The following RAE1 variants were observed in gnomAD, a reference collection of about 807,000 sequenced individuals.
RAE1 encodes the protein ribonucleic acid export 1.
RAE1 carries 13 observed loss-of-function variants against 52.7 expected under a neutral mutation model. The ratio of observed to expected loss-of-function variants is 0.25; its 90% CI spans 0.16 to 0.39. The LOEUF (loss-of-function observed/expected upper bound fraction) is 0.39, where lower values mean the gene tolerates loss of function less well. Ranked by LOEUF, RAE1 falls within the 10% of genes least tolerant of loss-of-function variation. The pLI is 1.00. For missense variants in RAE1, 262 were observed against 459.8 expected, an observed-to-expected ratio of 0.57 and a Z score of 3.93; for synonymous variants, 164 against 153.1, an observed-to-expected ratio of 1.07 and a Z score of -0.52.
chr20:57,378,171 C>T lies in RAE1; in HGVS notation c.*72C>T, dbSNP rs2067143193. On this transcript the variant is annotated 3_prime_UTR_variant, in exon 12 of 12. Coordinates refer to ENST00000395841, the MANE Select transcript of RAE1 (RefSeq NM_003610.4). ...CTCATCTCTGTACGAATTTGGGTCC[C>T]AGCCTTGTTGGGTTGTCAGCCATGG... 1.6e-6 allele frequency: 2 copies of T among 1,274,280 alleles called. No homozygotes were observed. The highest frequency in any genetic ancestry group is 1.5e-5 in the African/African-American group (1 of 66,434). The allele number at this position is 1,274,280 out of a possible 1,614,324, so 78.9% of individuals were successfully genotyped here.
chr20:57,374,596 A>C lies in RAE1; in HGVS notation c.826-11A>C. Reference sequence around the variant, plus strand: ...TGCCTGGCTTCTCATTGTGCATGTCAATCCTTGCAGGTAAATGGAATCGCG... The same window carrying C: ...TGCCTGGCTTCTCATTGTGCATGTCCATCCTTGCAGGTAAATGGAATCGCG... On this transcript the variant is annotated splice_polypyrimidine_tract_variant and intron_variant, in intron 10 of 11. Coordinates refer to ENST00000395841, the MANE Select transcript of RAE1 (RefSeq NM_003610.4). 1 of 1,606,194 alleles carries C rather than the reference A, an allele frequency of 6.2e-7. No homozygotes were observed.
intron 4 of RAE1, among the ~76,000 whole-genome samples, chr20:57,356,998 G>A (rs2066798456): frequency 6.6e-6 from 1 of 151,808 alleles, no homozygotes; most frequent in Non-Finnish European, 1.5e-5. Context: ...CATTGCTGCT[G>A]GTGGCTGAAC....
chr20:57,354,528 G>A (rs573915918), intron 2 of RAE1, among the ~76,000 whole-genome samples, 184 bp from the exon 3 acceptor site: 105 of 152,338 alleles, frequency 6.9e-4, no homozygotes, highest in African/African-American at 2.5e-3. Context: ...GCTAGTCCTG[G>A]TGGTGCTGGT....
intron 11 of RAE1, among the ~76,000 whole-genome samples, chr20:57,375,747 C>CA (rs1273771415): frequency 2.6e-5 from 4 of 152,210 alleles, no homozygotes; most frequent in Admixed American, 1.3e-4. Flanking sequence ...CAGCTGTACT[C>CA]AGAGTCCCTG....
intron 11 of RAE1, among the ~76,000 whole-genome samples, chr20:57,377,508 C>T (rs1035548101): frequency 2.6e-5 from 4 of 152,168 alleles, no homozygotes; most frequent in East Asian, 1.9e-4. Context: ...GGTGTGGGCC[C>T]GGGCAGACGT....
Position 57,364,398 on chromosome 20 carries a change from T to C in RAE1, c.289-958T>C, listed in dbSNP as rs549245360. ...CTTGGACTCAGGGCAGCCCTCTCCA[T>C]ACACTCATACCTTTCCTTTGCTGTG... is the stretch of plus-strand genomic sequence containing the variant. On this transcript the variant is annotated intron_variant, in intron 4 of 11. Coordinates refer to ENST00000395841, the MANE Select transcript of RAE1 (RefSeq NM_003610.4). 2.0e-5 allele frequency among the ~76,000 whole-genome samples: 3 copies of C among 152,332 alleles called. No individual in the cohort carries two copies. In the South Asian group the frequency reaches 6.2e-4, roughly 32 times the overall value.
intron 8 of RAE1, chr20:57,372,487 A>G (rs2067050542): frequency 6.6e-6 from 1 of 152,254 alleles, no homozygotes; most frequent in Non-Finnish European, 1.5e-5. Flanking sequence ...TGTGCCGCAC[A>G]GTAGACCCTG....
At chr20:57,351,629 G>T (rs1290245388) in intron 1 of RAE1, 3 of 985,416 alleles carry the variant, frequency 3.0e-6, no homozygotes, top group Non-Finnish European at 3.6e-6. Flanking sequence ...TTTCTCTTGT[G>T]GGGGAACTGA....
chr20:57,372,469 G>T (rs2067050250), intron 8 of RAE1: 1 of 152,306 alleles, frequency 6.6e-6, no homozygotes, highest in South Asian at 2.1e-4. Flanking sequence ...GCATTGTGCA[G>T]TTCCTGGTGT....
intron 4 of RAE1, among the ~76,000 whole-genome samples, chr20:57,361,309 A>G (rs979009683): frequency 4.6e-5 from 7 of 152,172 alleles, no homozygotes; most frequent in African/African-American, 1.7e-4. Context: ...AATCTATTAT[A>G]CATAGTGGAG....
In RAE1 at chr20:57,374,711, T is replaced by G; in HGVS notation, c.930T>G (p.Thr310=). 1 of 1,614,182 alleles carries G rather than the reference T, an allele frequency of 6.2e-7. No homozygotes were observed. The highest frequency in any genetic ancestry group is 1.1e-5 in the South Asian group (1 of 91,088). ...AAGATGCCAGAACAAAACTAAAAAC[T>G]TCGGAACAGTTAGATCAGCCCATCT... ...WDKDARTKLK[T]SEQLDQPISA... Residue 310 remains threonine (T), a synonymous_variant, in exon 11 of 12, where the codon ACT becomes ACG. Coordinates refer to ENST00000395841, the MANE Select transcript of RAE1 (RefSeq NM_003610.4).
At chr20:57,359,069 G>A in intron 4 of RAE1, 1 of 1,462,466 alleles carries the variant, frequency 6.8e-7, no homozygotes, top group Non-Finnish European at 9.1e-7. Flanking sequence ...GAGAACAAGT[G>A]ATTATGCTAC....
intron 11 of RAE1, among the ~76,000 whole-genome samples, chr20:57,377,626 A>G (rs2067135027): frequency 1.3e-5 from 2 of 152,164 alleles, no homozygotes; most frequent in Non-Finnish European, 2.9e-5. Context: ...CTTCATCCCC[A>G]TGATACCCCG....
intron 1 of RAE1, 150 bp downstream of exon 1, chr20:57,351,572 T>C: frequency 1.0e-6 from 1 of 985,346 alleles, no homozygotes; most frequent in Non-Finnish European, 1.2e-6. Context: ...GGAAGCGAGG[T>C]CAGAGCTGGA....
At chr20:57,363,731 A>T (rs2066919058) in intron 4 of RAE1, among the ~76,000 whole-genome samples, 1 of 152,238 alleles carries the variant, frequency 6.6e-6, no homozygotes, top group South Asian at 2.1e-4. Context: ...ACACATAATA[A>T]CATTATTAAT....
At chr20:57,357,784 T>G (rs2066814455) in intron 4 of RAE1, 1 of 152,324 alleles carries the variant, frequency 6.6e-6, no homozygotes, top group African/African-American at 2.4e-5. Flanking sequence ...TTTTGTTAGA[T>G]CAAAAGAGGC....
chr20:57,351,553 C>T (rs2066708860), intron 1 of RAE1, 131 bp downstream of exon 1: 2 of 985,376 alleles, frequency 2.0e-6, no homozygotes, highest in Non-Finnish European at 2.4e-6. Context: ...AGCTTCGTTA[C>T]TGGGCCCTGG....
At chr20:57,375,396 G>A (rs543924805) in intron 11 of RAE1, among the ~76,000 whole-genome samples, 105 of 152,238 alleles carry the variant, frequency 6.9e-4, no homozygotes, top group African/African-American at 2.5e-3. Flanking sequence ...GCCCACAACA[G>A]CCTTCTAGAC....
intron 3 of RAE1, 111 bp downstream of exon 3, chr20:57,354,927 C>T: frequency 1.3e-6 from 1 of 759,104 alleles, no homozygotes. Context: ...TTATTTATGG[C>T]CTTTTTTGAG....
Sources: allele counts gnomAD v4.1 joint callset (sites outside exome capture counted in the v4.1 genomes callset), GRCh38; gene constraint gnomAD v4.1.1; transcripts MANE v1.5; gene names NCBI Gene and HGNC (gene_info 2026-07-23, HGNC 2026-07-21).